The following SLC26A7 variants were observed in gnomAD, a reference collection of about 807,000 sequenced individuals.
SLC26A7 encodes solute carrier family 26 member 7, also known as anion exchange transporter.
Under a neutral mutation model 82.5 loss-of-function variants are expected in SLC26A7, and 59 were observed. The ratio of observed to expected loss-of-function variants is 0.72; its 90% CI spans 0.58 to 0.89. SLC26A7 has a LOEUF of 0.89. SLC26A7 is among the 40% of genes least tolerant of loss of function. The pLI, the probability that SLC26A7 is intolerant of heterozygous loss-of-function variation, is 0.00. For synonymous variants in SLC26A7, 271 were observed against 274.3 expected (o/e 0.99, Z 0.12); for missense variants, 820 against 793.0 (o/e 1.03, Z -0.41).
At chr8:91,295,465 C>A in intron 3 of SLC26A7, 66 bp from the exon 4 acceptor site, 1 of 1,546,284 alleles carries the variant, frequency 6.5e-7, no homozygotes. Flanking sequence ...GACAGAATCC[C>A]ACAATTTTTA....
chr8:91,218,856 T>C, intron 1 of SLC26A7: 1 of 1,333,234 alleles, frequency 7.5e-7, no homozygotes, highest in Non-Finnish European at 1.0e-6. Flanking sequence ...TATTGAACAC[T>C]GCCTAAATTT....
At chr8:91,243,699 G>A (rs1164868098) in intron 2 of SLC26A7, among the ~76,000 whole-genome samples, 1 of 152,252 alleles carries the variant, frequency 6.6e-6, no homozygotes, top group African/African-American at 2.4e-5. Flanking sequence ...TAGTTTCCAT[G>A]TTTTCATCAC....
intron 2 of SLC26A7, among the ~76,000 whole-genome samples, chr8:91,225,383 C>T (rs889797509): frequency 6.6e-6 from 1 of 152,102 alleles, no homozygotes; most frequent in Non-Finnish European, 1.5e-5. Context: ...GTAGCATGCT[C>T]ACTCACTGCC....
At chr8:91,285,772 G>C (rs1233160433) in intron 2 of SLC26A7, among the ~76,000 whole-genome samples, 2 of 152,126 alleles carry the variant, frequency 1.3e-5, no homozygotes, top group Admixed American at 1.3e-4. Flanking sequence ...AACAAAACTA[G>C]TGCTTCTAAG....
chr8:91,358,636 A>G (rs10105783), intron 11 of SLC26A7, among the ~76,000 whole-genome samples: 64,226 of 151,820 alleles, frequency 0.42, 15,102 homozygotes, highest in African/African-American at 0.62. Context: ...GGCCGCACAC[A>G]TATGTTTGTT....
At chr8:91,377,195 A>T (rs1263028636) in intron 15 of SLC26A7, among the ~76,000 whole-genome samples, 1 of 152,136 alleles carries the variant, frequency 6.6e-6, no homozygotes, top group Non-Finnish European at 1.5e-5. Context: ...TTTCCTTCAC[A>T]CATACCAGCC....
chr8:91,327,510 C>A (rs1349625912), intron 5 of SLC26A7, among the ~76,000 whole-genome samples: 1 of 152,048 alleles, frequency 6.6e-6, no homozygotes, highest in Non-Finnish European at 1.5e-5. Flanking sequence ...TTTTTAGACA[C>A]CTATCTATAT....
At chr8:91,329,799 T>C (rs1449694282) in intron 5 of SLC26A7, among the ~76,000 whole-genome samples, 1 of 152,146 alleles carries the variant, frequency 6.6e-6, no homozygotes, top group African/African-American at 2.4e-5. Flanking sequence ...AGAAAGCATT[T>C]GGACAATTTG....
At position 91,338,183 on chromosome 8, in the gene SLC26A7, A is replaced by G. The variant is rs779436045; in HGVS notation, c.829A>G (p.Asn277Asp). 6.2e-7 allele frequency: 1 copy of G among 1,611,082 alleles called. No homozygotes were observed. Among genetic ancestry groups the G allele is most frequent in the Non-Finnish European group, 8.5e-7 (1 of 1,178,872 alleles). ...IAASFACYCT[N>D]MENTYGLEVV... ...TGCATCATTTGCTTGTTATTGCACC[A>G]ATATGGAAAACACATATGGATTAGA... is the stretch of plus-strand genomic sequence containing the variant. The change falls in exon 7 of 19, where the codon AAT becomes GAT. Residue 277 changes from asparagine (N) to aspartate (D), a missense_variant. Transcript: ENST00000276609.
At chr8:91,345,345 T>C (rs998881273) in intron 9 of SLC26A7, among the ~76,000 whole-genome samples, 4 of 152,184 alleles carry the variant, frequency 2.6e-5, no homozygotes, top group African/African-American at 7.2e-5. Flanking sequence ...TGGTTCAGCG[T>C]TGGGCTCCAG....
At chr8:91,294,079 A>T (rs544235063) in intron 3 of SLC26A7, among the ~76,000 whole-genome samples, 1 of 152,362 alleles carries the variant, frequency 6.6e-6, no homozygotes, top group South Asian at 2.1e-4. Flanking sequence ...GACTTATCTC[A>T]CTAAAAGAAT....
chr8:91,264,167 A>G (rs767723783), intron 2 of SLC26A7, among the ~76,000 whole-genome samples: 4 of 152,122 alleles, frequency 2.6e-5, no homozygotes, highest in African/African-American at 7.2e-5. Flanking sequence ...GTAAAATAAC[A>G]TATAGGAATC....
intron 2 of SLC26A7, among the ~76,000 whole-genome samples, chr8:91,265,497 C>G (rs1267048984): frequency 6.6e-6 from 1 of 152,004 alleles, no homozygotes; most frequent in Non-Finnish European, 1.5e-5. Flanking sequence ...AATTTACTTT[C>G]CCACCAACAG....
chr8:91,352,739 G>A (rs185501039), intron 10 of SLC26A7, among the ~76,000 whole-genome samples, 162 bp from the exon 11 acceptor site: 17 of 151,966 alleles, frequency 1.1e-4, no homozygotes, highest in African/African-American at 4.1e-4. Flanking sequence ...TGCAATAATA[G>A]GTTAGTTTTA....
chr8:91,375,893 A>G (rs1814503137), intron 15 of SLC26A7, among the ~76,000 whole-genome samples: 1 of 151,978 alleles, frequency 6.6e-6, no homozygotes, highest in Admixed American at 6.5e-5. Flanking sequence ...GTTTAGTTGT[A>G]TTACATAATT....
chr8:91,346,349 T>C (rs1272147992), intron 9 of SLC26A7, among the ~76,000 whole-genome samples: 1 of 152,106 alleles, frequency 6.6e-6, no homozygotes, highest in Non-Finnish European at 1.5e-5. Context: ...ACTGACATGG[T>C]TCCGAGGAAG....
In SLC26A7 at chr8:91,331,487, C is replaced by G. The variant is rs138537723; in HGVS notation, c.643-2808C>G. ...TCAGTGAATATCTTTGTAACAAGGT[C>G]TTTTCACACGAGCTTAATTATGTTC... On this transcript the variant is annotated intron_variant, in intron 5 of 18. Coordinates refer to ENST00000276609, the MANE Select transcript of SLC26A7 (RefSeq NM_052832.4). Among the ~76,000 whole-genome samples, 249 of 152,200 alleles carry G rather than the reference C, an allele frequency of 1.6e-3. 1 individual carries two copies. The highest frequency in any genetic ancestry group is 5.3e-3 in the African/African-American group (219 of 41,532).
chr8:91,384,374 G>A (rs966377817), intron 15 of SLC26A7, among the ~76,000 whole-genome samples: 1 of 151,988 alleles, frequency 6.6e-6, no homozygotes. Context: ...CTCTGACCTC[G>A]AACCTCCTGT....
intron 5 of SLC26A7, among the ~76,000 whole-genome samples, chr8:91,329,630 T>C (rs985159960): frequency 1.3e-5 from 2 of 152,164 alleles, no homozygotes; most frequent in Non-Finnish European, 2.9e-5. Context: ...ATTTCTACTC[T>C]TTCTTATACA....
Sources: gnomAD v4.1 joint callset for allele counts (sites outside exome capture counted in the v4.1 genomes callset) on GRCh38, gnomAD v4.1.1 for gene constraint, MANE v1.5 for transcripts, NCBI Gene and HGNC (gene_info 2026-07-23, HGNC 2026-07-21) for gene names.